Variants in GABRB1 observed in about 807,000 individuals in gnomAD.
The protein encoded by GABRB1 is gamma-aminobutyric acid type A receptor subunit beta1.
A neutral mutation model predicts 51.6 loss-of-function variants in GABRB1; 17 were observed. The ratio of observed to expected loss-of-function variants is 0.33; its 90% CI spans 0.23 to 0.49. The LOEUF (loss-of-function observed/expected upper bound fraction) is 0.49. Among genes scored for constraint, GABRB1 ranks in the 20% least tolerant of loss-of-function variants. The pLI, the probability that GABRB1 is intolerant of heterozygous loss-of-function variation, is 0.99. For synonymous variants in GABRB1, 247 were observed against 218.9 expected (o/e 1.13, Z -1.14); for missense variants, 410 against 600.6 (o/e 0.68, Z 3.32).
intron 4 of GABRB1, among the ~76,000 whole-genome samples, chr4:47,240,674 G>C (rs1721488991): frequency 6.6e-6 from 1 of 152,276 alleles, no homozygotes. Context: ...TATACGGAAA[G>C]TCTAGGCAAG....
chr4:47,214,575 A>G (rs1409394571), intron 4 of GABRB1, among the ~76,000 whole-genome samples: 1 of 152,192 alleles, frequency 6.6e-6, no homozygotes, highest in Non-Finnish European at 1.5e-5. Context: ...GTGAACTTCA[A>G]TTGTATTTTC....
chr4:47,242,911 T>G (rs1383515879), intron 4 of GABRB1, among the ~76,000 whole-genome samples: 3 of 152,236 alleles, frequency 2.0e-5, no homozygotes, highest in Non-Finnish European at 4.4e-5. Flanking sequence ...TTTGTCAATT[T>G]CGGCTTTCGT....
intron 4 of GABRB1, among the ~76,000 whole-genome samples, chr4:47,175,862 C>T (rs1457746665): frequency 6.6e-6 from 1 of 152,110 alleles, no homozygotes; most frequent in African/African-American, 2.4e-5. Flanking sequence ...TGTAGAAATT[C>T]CCTTTGAACT....
intron 5 of GABRB1, among the ~76,000 whole-genome samples, chr4:47,387,001 G>A (rs1727818749): frequency 6.6e-6 from 1 of 152,208 alleles, no homozygotes; most frequent in Non-Finnish European, 1.5e-5. Flanking sequence ...ACAAAGTGCT[G>A]ATTAAAGACC....
At chr4:47,080,222 CAGTGAGAA>C (rs544384184) in intron 3 of GABRB1, among the ~76,000 whole-genome samples, 1 of 150,692 alleles carries the variant, frequency 6.6e-6, no homozygotes, top group East Asian at 2.0e-4. Flanking sequence ...TTTGTCAAGG[CAGTGAGAA>C]AAACTGTGAC....
intron 5 of GABRB1, among the ~76,000 whole-genome samples, chr4:47,349,386 G>C (rs545880439): frequency 6.6e-6 from 1 of 152,204 alleles, no homozygotes; most frequent in East Asian, 1.9e-4. Flanking sequence ...GAGTCACAGA[G>C]GCCAAGGAAA....
chr4:47,348,713 T>C (rs1339609478), intron 5 of GABRB1, among the ~76,000 whole-genome samples: 2 of 152,196 alleles, frequency 1.3e-5, no homozygotes, highest in East Asian at 3.9e-4. Flanking sequence ...GCATTGAAGA[T>C]TTTGAACTAG....
intron 3 of GABRB1, among the ~76,000 whole-genome samples, chr4:47,153,910 A>G (rs1245110253): frequency 6.6e-6 from 1 of 152,128 alleles, no homozygotes; most frequent in Non-Finnish European, 1.5e-5. Flanking sequence ...ATAATAAATA[A>G]GAACATGGAC....
chr4:47,422,709 A>G (rs1200814071), intron 8 of GABRB1, among the ~76,000 whole-genome samples: 1 of 152,170 alleles, frequency 6.6e-6, no homozygotes, highest in Non-Finnish European at 1.5e-5. Context: ...CCCAGTCATC[A>G]CCACATATAC....
chr4:47,288,504 C>T (rs879214929), intron 4 of GABRB1, among the ~76,000 whole-genome samples: 1 of 151,952 alleles, frequency 6.6e-6, no homozygotes, highest in African/African-American at 2.4e-5. Flanking sequence ...CCTCATGATC[C>T]GCCCGCCTCA....
In GABRB1 at chr4:47,403,409, A is replaced by T. The variant is rs537707666; in HGVS notation, c.636A>T (p.Ser212=). 2.5e-6 allele frequency: 4 copies of T among 1,614,092 alleles called. No individual in the cohort carries two copies. The South Asian group carries it at 3.3e-5, about 13-fold the overall frequency. ...GVNKIELPQF[S]IVDYKMVSKK... ...ATAAAATCGAACTTCCTCAATTTTC[A>T]ATTGTTGACTACAAGATGGTGTCTA... Residue 212 remains serine (S), a synonymous_variant, in exon 6 of 9, where the codon TCA becomes TCT. Transcript: ENST00000295454.
chr4:47,358,262 T>C (rs1032508370), intron 5 of GABRB1, among the ~76,000 whole-genome samples: 2 of 152,030 alleles, frequency 1.3e-5, no homozygotes, highest in Admixed American at 1.3e-4. Flanking sequence ...GAGTTCTCCA[T>C]AGGAACAGAA....
chr4:47,402,864 A>G (rs542795830), intron 5 of GABRB1, among the ~76,000 whole-genome samples: 2 of 147,536 alleles, frequency 1.4e-5, no homozygotes, highest in African/African-American at 5.0e-5. Flanking sequence ...ATGGCTATAT[A>G]TAAACTTGGT....
At chr4:47,424,349 A>ATT (rs1224749226) in intron 8 of GABRB1, among the ~76,000 whole-genome samples, 1 of 152,120 alleles carries the variant, frequency 6.6e-6, no homozygotes, top group Non-Finnish European at 1.5e-5. Context: ...TAAAATGGGG[A>ATT]TGGGATGGCC....
At chr4:47,156,630 A>T (rs1158991441) in intron 3 of GABRB1, among the ~76,000 whole-genome samples, 1 of 151,728 alleles carries the variant, frequency 6.6e-6, no homozygotes, top group Non-Finnish European at 1.5e-5. Context: ...TAATTTTCTT[A>T]TACTATACCT....
chr4:47,379,453 T>G (rs1208037546), intron 5 of GABRB1, among the ~76,000 whole-genome samples: 1 of 152,220 alleles, frequency 6.6e-6, no homozygotes. Context: ...TTGGCCTAAC[T>G]GTGAACTAAT....
intron 4 of GABRB1, among the ~76,000 whole-genome samples, chr4:47,204,499 A>C (rs4694836): frequency 0.86 from 130,621 of 151,978 alleles, 56,141 homozygotes; most frequent in Middle Eastern, 0.92. Flanking sequence ...TAACCCTAAC[A>C]CTAACCCTAA....
intron 4 of GABRB1, among the ~76,000 whole-genome samples, chr4:47,318,907 G>A (rs1047581313): frequency 2.0e-5 from 3 of 151,936 alleles, no homozygotes; most frequent in African/African-American, 7.2e-5. Flanking sequence ...TTAATCTCCA[G>A]GAGCTACAAT....
intron 3 of GABRB1, among the ~76,000 whole-genome samples, chr4:47,099,536 C>G (rs2109603953): frequency 6.6e-6 from 1 of 152,122 alleles, no homozygotes; most frequent in South Asian, 2.1e-4. Context: ...TTTCTAAATA[C>G]AAGTAATAAA....
Sources: allele counts gnomAD v4.1 joint callset (sites outside exome capture counted in the v4.1 genomes callset), GRCh38; gene constraint gnomAD v4.1.1; transcripts MANE v1.5; gene names NCBI Gene and HGNC (gene_info 2026-07-23, HGNC 2026-07-21).